The following EIF4ENIF1 variants were observed in gnomAD, a reference collection of about 807,000 sequenced individuals.
EIF4ENIF1 encodes eukaryotic translation initiation factor 4E transporter.
EIF4ENIF1 carries 23 observed loss-of-function variants against 110.5 expected under a neutral mutation model. The ratio of observed to expected loss-of-function variants is 0.21; its 90% CI spans 0.15 to 0.29. The LOEUF (loss-of-function observed/expected upper bound fraction) is 0.29, where lower values mean the gene tolerates loss of function less well. Ranked by LOEUF, EIF4ENIF1 falls within the 10% of genes least tolerant of loss-of-function variation. The pLI, the probability that EIF4ENIF1 is intolerant of heterozygous loss-of-function variation, is 1.00. For synonymous variants in EIF4ENIF1, 440 were observed against 437.0 expected (o/e 1.01, Z -0.09); for missense variants, 1,031 against 1,221.1 (o/e 0.84, Z 2.32).
chr22:31,443,058 TACG>T lies in EIF4ENIF1; in HGVS notation c.2107_2109del (p.Arg703del). ...CTTTTCTCTTTGCTCTCGTACATCT[TACG>T]AATCACTGAGGTAGGGGTAAAGGAA... On this transcript the variant is annotated inframe_deletion, in exon 16 of 19. Coordinates refer to ENST00000330125, the MANE Select transcript of EIF4ENIF1 (RefSeq NM_019843.4). The T allele has an allele frequency of 6.2e-7, 1 of 1,614,176 alleles. No homozygotes were observed.
At chr22:31,446,300 G>T (rs866698387) in intron 14 of EIF4ENIF1, among the ~76,000 whole-genome samples, 4 of 42,016 alleles carry the variant, frequency 9.5e-5, no homozygotes, top group Middle Eastern at 0.013. Flanking sequence ...AAAAAAAAAA[G>T]TTAAAAGTAC....
chr22:31,472,304 T>C (rs976542324), intron 2 of EIF4ENIF1, among the ~76,000 whole-genome samples: 1 of 151,238 alleles, frequency 6.6e-6, no homozygotes, highest in Non-Finnish European at 1.5e-5. Context: ...AATCTCACTC[T>C]GTAGCCCAGG....
In EIF4ENIF1 at chr22:31,463,718, C is replaced by G. The variant is rs1303218034; in HGVS notation, c.548G>C (p.Arg183Thr). Residue 183 changes from arginine (R) to threonine (T), a missense_variant, in exon 5 of 19, where the codon AGA becomes ACA. This residue lies in a region of EIF4ENIF1 where 704 missense variants were observed against 879.7 expected (regional missense o/e 0.80). Coordinates refer to ENST00000330125, the MANE Select transcript of EIF4ENIF1 (RefSeq NM_019843.4). ...GTCCTTGAAGTCCCTCTCTCGGTCT[C>G]TGTCTCTCAAGTCCCGCAGGTCCTT... Reference protein sequence around the residue: ...SDKDLRDLRDRDRERDFKDKR... With the variant: ...SDKDLRDLRDTDRERDFKDKR... The G allele has an allele frequency of 6.2e-7, 1 of 1,610,608 alleles. No individual in the cohort carries two copies.
chr22:31,492,326 G>A (rs1309183905), upstream of EIF4ENIF1, among the ~76,000 whole-genome samples: 1 of 152,220 alleles, frequency 6.6e-6, no homozygotes, highest in East Asian at 1.9e-4. Flanking sequence ...AAGGAACTTA[G>A]ACTCCACCTC....
intron 2 of EIF4ENIF1, among the ~76,000 whole-genome samples, chr22:31,477,455 G>C (rs5753642): frequency 6.7e-6 from 1 of 150,370 alleles, no homozygotes; most frequent in African/African-American, 2.4e-5. Flanking sequence ...TTTCCTCTTA[G>C]AGTTATTGCT....
intron 3 of EIF4ENIF1, 86 bp downstream of exon 3, chr22:31,471,758 A>C: frequency 8.0e-7 from 1 of 1,247,430 alleles, no homozygotes; most frequent in Non-Finnish European, 1.1e-6. Context: ...GAAAACTTCA[A>C]AACAATACAA....
chr22:31,455,716 G>T, intron 8 of EIF4ENIF1, 136 bp downstream of exon 8: 2 of 1,194,222 alleles, frequency 1.7e-6, no homozygotes, highest in Non-Finnish European at 1.2e-6. Context: ...AATATTAAAA[G>T]GACACAAATT....
intron 2 of EIF4ENIF1, among the ~76,000 whole-genome samples, chr22:31,486,241 G>A (rs1238100248): frequency 3.3e-5 from 5 of 151,358 alleles, no homozygotes; most frequent in Admixed American, 3.3e-4. Flanking sequence ...TTGCACTCCA[G>A]CCTCGGCGAC....
chr22:31,473,073 T>G (rs2051445113), intron 2 of EIF4ENIF1, among the ~76,000 whole-genome samples: 1 of 151,898 alleles, frequency 6.6e-6, no homozygotes, highest in African/African-American at 2.4e-5. Flanking sequence ...CTTTTTTTTT[T>G]TTTTTTTGAC....
In EIF4ENIF1 at chr22:31,448,225, T is replaced by C; in HGVS notation, c.1776A>G (p.Thr592=). The C allele has an allele frequency of 6.2e-7, 1 of 1,614,152 alleles. No individual in the cohort carries two copies. The highest frequency in any genetic ancestry group is 1.3e-5 in the African/African-American group (1 of 75,044). ...CTCCGAGTAGCTGCTGTGGTCCTGG[T>C]GTGAAACCTGTCGGGAAAGTTAGTC... is the stretch of plus-strand genomic sequence containing the variant. The part of the protein sequence containing the change: ...RPRIPSPIGF[T]PGPQQLLGDP... The change falls in exon 13 of 19, where the codon ACA becomes ACG. Residue 592 remains threonine, a synonymous_variant. Coordinates refer to ENST00000330125, the MANE Select transcript of EIF4ENIF1 (RefSeq NM_019843.4).
chr22:31,483,374 A>G (rs990795285), intron 2 of EIF4ENIF1, among the ~76,000 whole-genome samples: 1 of 151,560 alleles, frequency 6.6e-6, no homozygotes, highest in Non-Finnish European at 1.5e-5. Flanking sequence ...CTAATTTTTA[A>G]ATTTTTTTTG....
chr22:31,470,587 C>G (rs947053789), intron 3 of EIF4ENIF1, among the ~76,000 whole-genome samples: 1 of 151,332 alleles, frequency 6.6e-6, no homozygotes, highest in African/African-American at 2.4e-5. Context: ...CCCATCATCT[C>G]TTAAATATCA....
chr22:31,454,452 G>T, intron 9 of EIF4ENIF1, 76 bp from the exon 10 acceptor site: 2 of 1,216,904 alleles, frequency 1.6e-6, no homozygotes, highest in Non-Finnish European at 2.3e-6. Context: ...TAGTATGACA[G>T]ATAAGATGAA....
In EIF4ENIF1 at chr22:31,440,741, C is replaced by A; in HGVS notation, c.2679G>T (p.Leu893=). The change falls in exon 18 of 19, where the codon CTG becomes CTT. Residue 893 remains leucine (L), a synonymous_variant. Transcript: ENST00000330125. ...GCTGCTGTTGCACCATTGCCAGATG[C>A]AGAGGTGTTCCAGGACGAGGGTTTA... is the stretch of plus-strand genomic sequence containing the variant. ...PLLNPRPGTP[L]HLAMVQQQLQ... 1 of 1,613,986 alleles carries A rather than the reference C, an allele frequency of 6.2e-7. No individual in the cohort carries two copies. Among genetic ancestry groups the A allele is most frequent in the Non-Finnish European group, 8.5e-7 (1 of 1,179,880 alleles).
chr22:31,464,294 AT>A (rs2051098598), intron 4 of EIF4ENIF1: 1 of 243,072 alleles, frequency 4.1e-6, no homozygotes, highest in Non-Finnish European at 7.9e-6. Context: ...CAGCAGGCGT[AT>A]TTGAAAAAAT....
chr22:31,459,566 G>C (rs2050928749), intron 6 of EIF4ENIF1, among the ~76,000 whole-genome samples: 1 of 151,986 alleles, frequency 6.6e-6, no homozygotes, highest in South Asian at 2.1e-4. Flanking sequence ...CTGAGTACTT[G>C]TCACACTGTA....
At chr22:31,445,244 G>GA (rs2050425786) in intron 14 of EIF4ENIF1, among the ~76,000 whole-genome samples, 1 of 152,140 alleles carries the variant, frequency 6.6e-6, no homozygotes, top group African/African-American at 2.4e-5. Flanking sequence ...GCAATAATTA[G>GA]CACAGTGCCT....
At chr22:31,460,485 T>C (rs1276443853) in intron 6 of EIF4ENIF1, among the ~76,000 whole-genome samples, 2 of 149,488 alleles carry the variant, frequency 1.3e-5, no homozygotes, top group African/African-American at 4.9e-5. Flanking sequence ...TACAAAAAAT[T>C]AGCTGGGTGT....
At position 31,449,450 on chromosome 22, in the gene EIF4ENIF1, ATGT is replaced by A. The variant is rs773031864; in HGVS notation, c.1663_1665del (p.Thr555del). ...GAGGGTGCTCTTTGGCCCAGTAAAG[ATGT>A]TGTAGGCTCCAAGCTCCCCATAAGG... On this transcript the variant is annotated inframe_deletion, in exon 12 of 19. Coordinates refer to ENST00000330125, the MANE Select transcript of EIF4ENIF1 (RefSeq NM_019843.4). 7.2e-5 allele frequency: 116 copies of A among 1,614,040 alleles called. No individual in the cohort carries two copies. The highest frequency in any genetic ancestry group is 9.2e-5 in the Non-Finnish European group (108 of 1,180,020).
Sources: allele counts gnomAD v4.1 joint callset (sites outside exome capture counted in the v4.1 genomes callset), GRCh38; gene constraint gnomAD v4.1.1; regional missense constraint gnomAD v4.1.1; transcripts MANE v1.5; gene names NCBI Gene and HGNC (gene_info 2026-07-23, HGNC 2026-07-21).